Variants in MTA3 observed in about 807,000 individuals in gnomAD.
MTA3 encodes the protein metastasis-associated protein MTA3.
In MTA3, 34 loss-of-function variants were observed where a neutral mutation model predicts 83.5. The ratio of observed to expected loss-of-function variants is 0.41; its 90% confidence interval spans 0.31 to 0.54. The LOEUF is 0.54. Ranked by LOEUF, MTA3 falls within the 20% of genes least tolerant of loss-of-function variation. The pLI, the probability that MTA3 is intolerant of heterozygous loss-of-function variation, is 0.33. For synonymous variants in MTA3, 303 were observed against 252.7 expected (o/e 1.20, Z -1.89); for missense variants, 761 against 726.4 (o/e 1.05, Z -0.55).
chr2:42,570,640 C>T, intron 2 of MTA3, 136 bp downstream of exon 2: 1 of 464,672 alleles, frequency 2.2e-6, no homozygotes, highest in Non-Finnish European at 3.9e-6. Context: ...GAGTGGATAG[C>T]TTGAGCCCAG....
intron 3 of MTA3, among the ~76,000 whole-genome samples, chr2:42,601,252 T>C (rs2104000003): frequency 6.6e-6 from 1 of 152,350 alleles, no homozygotes; most frequent in African/African-American, 2.4e-5. Context: ...GGGATGCATT[T>C]AAGTTACTTG....
At chr2:42,575,295 C>T (rs907916124) in intron 2 of MTA3, among the ~76,000 whole-genome samples, 3 of 152,140 alleles carry the variant, frequency 2.0e-5, no homozygotes, top group African/African-American at 7.2e-5. Flanking sequence ...TTTTCATTAC[C>T]TGTCTTCCTA....
chr2:42,609,346 A>G, intron 3 of MTA3, 112 bp from the exon 4 acceptor site: 1 of 1,203,308 alleles, frequency 8.3e-7, no homozygotes, highest in Non-Finnish European at 1.2e-6. Flanking sequence ...TTTAAATTTA[A>G]AATTGATTAG....
intron 8 of MTA3, among the ~76,000 whole-genome samples, chr2:42,662,111 A>G (rs1689776985): frequency 6.6e-6 from 1 of 152,196 alleles, no homozygotes; most frequent in African/African-American, 2.4e-5. Flanking sequence ...AAATATAAAC[A>G]CAGTTCATTC....
chr2:42,590,881 T>C (rs1036336842), intron 3 of MTA3, among the ~76,000 whole-genome samples: 1 of 152,170 alleles, frequency 6.6e-6, no homozygotes. Context: ...TGTTTGCTTT[T>C]TTTAAAACTG....
At chr2:42,706,900 T>G (rs920252057) in intron 12 of MTA3, among the ~76,000 whole-genome samples, 1 of 152,214 alleles carries the variant, frequency 6.6e-6, no homozygotes, top group Non-Finnish European at 1.5e-5. Flanking sequence ...ATTTTACTTA[T>G]TGATTAAAAT....
chr2:42,588,254 T>G (rs1680567113), intron 3 of MTA3, among the ~76,000 whole-genome samples: 1 of 152,162 alleles, frequency 6.6e-6, no homozygotes, highest in South Asian at 2.1e-4. Context: ...TCTAACAAAA[T>G]TTTTACATGT....
chr2:42,661,755 A>G (rs921628719), intron 8 of MTA3, among the ~76,000 whole-genome samples: 2 of 152,180 alleles, frequency 1.3e-5, no homozygotes, highest in African/African-American at 2.4e-5. Context: ...CATTATACAT[A>G]ATAATAGCAA....
At chr2:42,549,228 T>C (rs1165586372) in intron 2 of MTA3, among the ~76,000 whole-genome samples, 1 of 134,916 alleles carries the variant, frequency 7.4e-6, no homozygotes, top group Non-Finnish European at 1.5e-5. Context: ...GTATATATTA[T>C]ATATGTATAC....
At chr2:42,530,242 C>A (rs753391040) in intron 2 of MTA3, among the ~76,000 whole-genome samples, 31 of 151,268 alleles carry the variant, frequency 2.0e-4, no homozygotes, top group Non-Finnish European at 3.8e-4. Context: ...GTAATCCCAG[C>A]ACTTTGGGAG....
At chr2:42,579,508 C>A (rs1242267403) in intron 3 of MTA3, among the ~76,000 whole-genome samples, 2 of 151,142 alleles carry the variant, frequency 1.3e-5, no homozygotes, top group Admixed American at 6.6e-5. Context: ...CTCACTGCAG[C>A]CTCAAAATCA....
At chr2:42,725,749 G>A (rs1667764385) in intron 16 of MTA3, among the ~76,000 whole-genome samples, 1 of 152,206 alleles carries the variant, frequency 6.6e-6, no homozygotes, top group Non-Finnish European at 1.5e-5. Context: ...GACAGGGACA[G>A]GACCGAGCAG....
At chr2:42,532,541 G>A (rs1479449740) in intron 2 of MTA3, among the ~76,000 whole-genome samples, 1 of 152,128 alleles carries the variant, frequency 6.6e-6, no homozygotes, top group African/African-American at 2.4e-5. Flanking sequence ...AGTATATCTG[G>A]CTGTTTTCTA....
intron 2 of MTA3, chr2:42,532,774 C>A: frequency 3.2e-6 from 1 of 317,372 alleles, no homozygotes; most frequent in Non-Finnish European, 6.2e-6. Context: ...TGCATGAACT[C>A]ATAGGGAATG....
chr2:42,678,556 T>C (rs1220266274), intron 8 of MTA3, among the ~76,000 whole-genome samples: 3 of 152,172 alleles, frequency 2.0e-5, no homozygotes, highest in African/African-American at 4.8e-5. Flanking sequence ...CTCAAACTCC[T>C]GACCTCAAGT....
chr2:42,616,012 G>T (rs1053480808), intron 4 of MTA3, among the ~76,000 whole-genome samples: 27 of 151,184 alleles, frequency 1.8e-4, no homozygotes, highest in African/African-American at 6.1e-4. Flanking sequence ...GAGCCACCGT[G>T]CCCGGCCGTA....
At chr2:42,637,924 C>T (rs1402933897) in intron 4 of MTA3, among the ~76,000 whole-genome samples, 1 of 152,002 alleles carries the variant, frequency 6.6e-6, no homozygotes, top group East Asian at 1.9e-4. Flanking sequence ...GTCCGTTAAC[C>T]CTTAAAAGTC....
chr2:42,591,928 C>A (rs546143335), intron 3 of MTA3, among the ~76,000 whole-genome samples: 1 of 151,366 alleles, frequency 6.6e-6, no homozygotes, highest in Non-Finnish European at 1.5e-5. Flanking sequence ...GGATTACAGG[C>A]GTGAGCCACC....
chr2:42,626,042 A>G (rs931157222), intron 4 of MTA3, among the ~76,000 whole-genome samples: 2 of 143,786 alleles, frequency 1.4e-5, no homozygotes, highest in South Asian at 2.2e-4. Context: ...TCCCGGCTTC[A>G]TGCCATTCTC....
Sources: gnomAD v4.1 joint callset for allele counts (sites outside exome capture counted in the v4.1 genomes callset) on GRCh38, gnomAD v4.1.1 for gene constraint, MANE v1.5 for transcripts, NCBI Gene and HGNC (gene_info 2026-07-23, HGNC 2026-07-21) for gene names.